Variants in EXPH5 observed in about 807,000 individuals in gnomAD.
EXPH5 encodes the protein exophilin 5.
In EXPH5, 42 loss-of-function variants were observed where a neutral mutation model predicts 41.1. The observed-to-expected ratio is 1.02, with a 90% CI of 0.80 to 1.32. The LOEUF (loss-of-function observed/expected upper bound fraction) is 1.32, where lower values mean the gene tolerates loss of function less well. Among genes scored for constraint, EXPH5 ranks in the 40% most tolerant of loss-of-function variants. The pLI is 0.00. For synonymous variants in EXPH5, 798 were observed against 833.5 expected (o/e 0.96, Z 0.73); for missense variants, 2,298 against 2,314.5 (o/e 0.99, Z 0.15).
intron 1 of EXPH5, 112 bp downstream of exon 1, chr11:108,593,306 C>A: frequency 1.1e-6 from 1 of 890,518 alleles, no homozygotes; most frequent in South Asian, 1.6e-5. Context: ...CCGCAGCAGC[C>A]GCTCGGAGCA....
At chr11:108,598,107 C>A (rs931321743), upstream of EXPH5, among the ~76,000 whole-genome samples, 1 of 152,146 alleles carries the variant, frequency 6.6e-6, no homozygotes, top group Non-Finnish European at 1.5e-5. Flanking sequence ...GGGAGGGCTC[C>A]AGCCAGAGTG....
chr11:108,518,911 C>A (rs2093745853), intron 4 of EXPH5, among the ~76,000 whole-genome samples: 1 of 152,174 alleles, frequency 6.6e-6, no homozygotes, highest in Admixed American at 6.5e-5. Context: ...CCTGCCAGCA[C>A]CATGACAGTT....
At chr11:108,601,675 A>G in the EXPH5 span, among the ~76,000 whole-genome samples, 1 of 151,486 alleles carries the variant, frequency 6.6e-6, no homozygotes, top group South Asian at 2.1e-4. Flanking sequence ...AATGATGGAA[A>G]CTCTCTTTCT....
upstream of EXPH5, among the ~76,000 whole-genome samples, chr11:108,595,053 C>T (rs1211553215): frequency 6.6e-6 from 1 of 152,196 alleles, no homozygotes; most frequent in African/African-American, 2.4e-5. Context: ...TCCAGTTTTT[C>T]TAGTGTGTTC....
chr11:108,529,878 T>C (rs2093825956), intron 3 of EXPH5, among the ~76,000 whole-genome samples: 1 of 150,886 alleles, frequency 6.6e-6, no homozygotes, highest in Admixed American at 6.6e-5. Flanking sequence ...TAGACCATAA[T>C]GACTGAGAGC....
the EXPH5 span, among the ~76,000 whole-genome samples, chr11:108,603,438 G>A: frequency 5.9e-5 from 9 of 152,284 alleles, no homozygotes; most frequent in African/African-American, 1.9e-4. Context: ...TGTAATCCTA[G>A]CTACTCAGGA....
chr11:108,564,042 G>A (rs940861887), intron 1 of EXPH5, among the ~76,000 whole-genome samples: 4 of 152,146 alleles, frequency 2.6e-5, no homozygotes, highest in Admixed American at 6.5e-5. Flanking sequence ...AACTTTGGGA[G>A]GCTGAGGCGG....
intron 1 of EXPH5, among the ~76,000 whole-genome samples, chr11:108,555,393 T>G (rs1354854195): frequency 6.6e-6 from 1 of 152,242 alleles, no homozygotes; most frequent in Admixed American, 6.5e-5. Context: ...TCAACTAACA[T>G]TTATTGAGCA....
At chr11:108,602,694 G>A in the EXPH5 span, among the ~76,000 whole-genome samples, 998 of 152,248 alleles carry the variant, frequency 6.6e-3, 14 homozygotes, top group African/African-American at 0.022. Flanking sequence ...CTACTGGCGT[G>A]AGCCATCATC....
In EXPH5 at chr11:108,513,601, C is replaced by A; in HGVS notation, c.1906G>T (p.Asp636Tyr). Residue 636 changes from aspartate (D) to tyrosine (Y), a missense_variant, in exon 6 of 6, where the codon GAT becomes TAT. By Grantham distance (160) the Asp-to-Tyr change is radical. Coordinates refer to ENST00000265843, the MANE Select transcript of EXPH5 (RefSeq NM_015065.3). ...GGACTCTGAGGATTCCTTCTGTCAT[C>A]AGAAATCTGGGAAAAGGAAGTTTTG... ...SFKTSFSQIS[D>Y]DRRNPQSPNL... is the part of the protein sequence containing the mutation. 1 of 1,613,306 alleles carries A rather than the reference C, an allele frequency of 6.2e-7. No individual in the cohort carries two copies. Among genetic ancestry groups the A allele is most frequent in the Non-Finnish European group, 8.5e-7 (1 of 1,179,762 alleles).
intron 1 of EXPH5, among the ~76,000 whole-genome samples, chr11:108,563,486 C>T (rs1435532302): frequency 6.6e-6 from 1 of 152,148 alleles, no homozygotes; most frequent in East Asian, 1.9e-4. Context: ...ATTCCTAGCA[C>T]AGAGCAGGGG....
At chr11:108,597,240 C>T (rs540246487), upstream of EXPH5, among the ~76,000 whole-genome samples, 1 of 152,200 alleles carries the variant, frequency 6.6e-6, no homozygotes, top group Non-Finnish European at 1.5e-5. Flanking sequence ...CTCTGTTGGC[C>T]AGGCTGGAGT....
intron 1 of EXPH5, among the ~76,000 whole-genome samples, chr11:108,556,539 C>T (rs2093990903): frequency 6.6e-6 from 1 of 152,110 alleles, no homozygotes. Context: ...GTGGCCCAAT[C>T]TTGGCTCACC....
At chr11:108,588,554 T>G (rs12290296) in intron 1 of EXPH5, among the ~76,000 whole-genome samples, 31 of 152,198 alleles carry the variant, frequency 2.0e-4, no homozygotes, top group African/African-American at 7.2e-4. Flanking sequence ...AAGCTTCCTT[T>G]GTCGAATGGA....
At chr11:108,523,234 TC>T (rs1265872704) in intron 4 of EXPH5, among the ~76,000 whole-genome samples, 1 of 152,114 alleles carries the variant, frequency 6.6e-6, no homozygotes, top group Non-Finnish European at 1.5e-5. Context: ...CTTAAAAATA[TC>T]CTCTCTTACT....
chr11:108,528,788 C>T (rs1003885929), intron 3 of EXPH5, among the ~76,000 whole-genome samples: 12 of 150,116 alleles, frequency 8.0e-5, no homozygotes, highest in Admixed American at 2.0e-4. Flanking sequence ...CTGCAACCTC[C>T]GCCTCCTGGG....
chr11:108,550,946 T>C (rs962622819), intron 1 of EXPH5, among the ~76,000 whole-genome samples: 7 of 152,062 alleles, frequency 4.6e-5, no homozygotes, highest in African/African-American at 1.4e-4. Context: ...ATCCAAATCA[T>C]TGGGAAATCT....
intron 1 of EXPH5, among the ~76,000 whole-genome samples, chr11:108,585,053 A>G (rs550453709): frequency 1.3e-4 from 20 of 152,194 alleles, no homozygotes; most frequent in African/African-American, 4.6e-4. Context: ...AAATTCATCA[A>G]TCAGAAAACA....
rs186323915 is a variant in EXPH5 at position 108,571,967 on chromosome 11, G to T, written c.119+21451C>A. ...GAGAGGCTGAGGCAGGAAAAAAGGC[G>T]TGAACCCGGGAGGCGGAGCTTGCAG... On this transcript the variant is annotated intron_variant, in intron 1 of 5. Transcript: ENST00000265843. Among the ~76,000 whole-genome samples the T allele has an allele frequency of 5.3e-3, 808 of 151,906 alleles. 3 individuals carry two copies. Among genetic ancestry groups the T allele is most frequent in the Non-Finnish European group, 8.4e-3 (573 of 67,962 alleles).
Sources: gnomAD v4.1 joint callset for allele counts (sites outside exome capture counted in the v4.1 genomes callset) on GRCh38, gnomAD v4.1.1 for gene constraint, MANE v1.5 for transcripts, NCBI Gene and HGNC (gene_info 2026-07-23, HGNC 2026-07-21) for gene names.